Variants in NUDCD1 observed in about 807,000 individuals in gnomAD.
NUDCD1 encodes the protein NudC domain containing 1.
A neutral mutation model predicts 67.8 loss-of-function variants in NUDCD1; 60 were observed. The observed-to-expected ratio is 0.88, with a 90% CI of 0.72 to 1.10. The LOEUF (loss-of-function observed/expected upper bound fraction) is 1.10. NUDCD1 is among the 50% of genes least tolerant of loss of function. The pLI is 0.00. For synonymous variants in NUDCD1, 244 were observed against 230.8 expected (o/e 1.06, Z -0.52); for missense variants, 643 against 695.0 (o/e 0.93, Z 0.84).
rs1815559447 is a variant in NUDCD1, at chr8:109,322,310, A to T, written c.272T>A (p.Leu91Gln). The T allele has an allele frequency of 6.7e-7, 1 of 1,492,082 alleles. No homozygotes were observed. The highest frequency in any genetic ancestry group is 9.2e-7 in the Non-Finnish European group (1 of 1,081,750). The allele number at this position is 1,492,082 out of a possible 1,614,324, so 92.4% of individuals were successfully genotyped here. A position where few individuals can be genotyped will look rare whatever the true frequency, so the allele number is the denominator to read the frequency against. Reference sequence around the variant, plus strand: ...TTATTACATACATGTTTCTCTTACCAGCATTACTGTTAAATTCATAATTCT... The same window carrying T: ...TTATTACATACATGTTTCTCTTACCTGCATTACTGTTAAATTCATAATTCT... ...LGRIMNLTVM[L>Q]DTALGKPREV... Residue 91 changes from leucine (L) to glutamine (Q), a missense_variant and splice_region_variant, in exon 2 of 10, where the codon CTG becomes CAG. By Grantham distance (113) the Leu-to-Gln change is moderately radical (BLOSUM62 -2). Coordinates refer to ENST00000239690, the MANE Select transcript of NUDCD1 (RefSeq NM_032869.4).
chr8:109,293,391 C>G lies in NUDCD1; in HGVS notation c.593G>C (p.Gly198Ala). The G allele has an allele frequency of 1.9e-6, 3 of 1,587,700 alleles. No homozygotes were observed. Among genetic ancestry groups the G allele is most frequent in the Non-Finnish European group, 2.6e-6 (3 of 1,167,952 alleles). ...GACCCACTCCAGAGAAACATAGAAA[C>G]CACTTCCTTTCATATCCAATTCCTC... ...EKEELDMKGS[G>A]FYVSLEWVTI... Residue 198 changes from glycine (G) to alanine (A), a missense_variant, in exon 4 of 10, where the codon GGT becomes GCT. Gly to Ala is a moderately conservative substitution (Grantham distance 60). Transcript: ENST00000239690.
chr8:109,249,123 TAAA>T, intron 8 of NUDCD1, among the ~76,000 whole-genome samples: 1 of 152,330 alleles, frequency 6.6e-6, no homozygotes, highest in African/African-American at 2.4e-5. Context: ...ATTCCCCTTA[TAAA>T]TATGGTAACT....
chr8:109,275,231 G>A (rs959030292), intron 7 of NUDCD1, 121 bp downstream of exon 7: 2 of 803,634 alleles, frequency 2.5e-6, no homozygotes, highest in Non-Finnish European at 4.0e-6. Context: ...CAGATCAGTA[G>A]TATCTGATAT....
intron 8 of NUDCD1, among the ~76,000 whole-genome samples, chr8:109,269,457 G>A (rs1446915944): frequency 1.3e-5 from 2 of 152,118 alleles, no homozygotes; most frequent in Non-Finnish European, 2.9e-5. Flanking sequence ...GACTAGGAAG[G>A]GATAGCGAGT....
chr8:109,280,263 T>C (rs1453211318), intron 6 of NUDCD1, among the ~76,000 whole-genome samples: 7 of 152,206 alleles, frequency 4.6e-5, no homozygotes, highest in Non-Finnish European at 8.8e-5. Flanking sequence ...GATTTATCAT[T>C]GCAAGTGAAC....
At position 109,271,053 on chromosome 8, in the gene NUDCD1, GCT is replaced by G. The variant is rs1430502107; in HGVS notation, c.1249_1250del (p.Ser417LeufsTer7). On this transcript the variant is annotated frameshift_variant, in exon 8 of 10. Transcript: ENST00000239690. LOFTEE classifies it high-confidence loss of function. ...LEECDIFFEESSSLCRFDGNT... is the reference protein window; with the variant it reads ...LEECDIFFEEXSSLCRFDGNT... ...TGCCATCAAATCTGCATAAACTGGA[GCT>G]CTCTTCAAAGAAAATATCACATTCT... The G allele has an allele frequency of 6.3e-7, 1 of 1,595,000 alleles. No individual in the cohort carries two copies. The highest frequency in any genetic ancestry group is 8.6e-7 in the Non-Finnish European group (1 of 1,165,734).
rs1046920106 is a variant in NUDCD1 at position 109,242,036 on chromosome 8, G to C, written c.*973C>G. The C allele has an allele frequency of 2.5e-6, 1 of 397,798 alleles. No homozygotes were observed. Among genetic ancestry groups the C allele is most frequent in the Non-Finnish European group, 4.4e-6 (1 of 225,604 alleles). The allele number at this position is 397,798 out of a possible 1,614,324, so 24.6% of individuals were successfully genotyped here. On this transcript the variant is annotated 3_prime_UTR_variant, in exon 10 of 10. Transcript: ENST00000239690. ...TTGTTGAAGTTGTTAGAAAAATAAAGAGAGCCACAAGGATAAATTATAATT... is the reference window on the plus strand; with the variant it reads ...TTGTTGAAGTTGTTAGAAAAATAAACAGAGCCACAAGGATAAATTATAATT...
chr8:109,307,308 C>T (rs1815131086), intron 2 of NUDCD1, among the ~76,000 whole-genome samples: 1 of 152,200 alleles, frequency 6.6e-6, no homozygotes, highest in Admixed American at 6.5e-5. Context: ...ACTTTGTATG[C>T]CTATCCCAAA....
Position 109,317,543 on chromosome 8 carries a change from AGGATCC to A in NUDCD1, c.273+4760_273+4765del, listed in dbSNP as rs1815428605. ...ATATCAGGATATTATCCTATGAGAA[AGGATCC>A]ACAGGATCCATTGTTCTGTGGATTA... On this transcript the variant is annotated intron_variant, in intron 2 of 9. Coordinates refer to ENST00000239690, the MANE Select transcript of NUDCD1 (RefSeq NM_032869.4). Among the ~76,000 whole-genome samples, 7 of 152,320 alleles carry A rather than the reference AGGATCC, an allele frequency of 4.6e-5. 1 individual carries two copies. In the South Asian group the frequency reaches 1.5e-3, roughly 32 times the overall value.
At chr8:109,325,095 A>G (rs576759097) in intron 1 of NUDCD1, among the ~76,000 whole-genome samples, 2 of 152,260 alleles carry the variant, frequency 1.3e-5, no homozygotes, top group African/African-American at 4.8e-5. Flanking sequence ...CTCAAAAATA[A>G]ATAAATAAAA....
intron 8 of NUDCD1, among the ~76,000 whole-genome samples, chr8:109,270,066 G>A (rs1814102374): frequency 1.4e-5 from 1 of 69,012 alleles, no homozygotes; most frequent in Non-Finnish European, 3.0e-5. Flanking sequence ...GGTGGCGGGG[G>A]CGGGGGGGGG....
At chr8:109,268,692 A>T (rs1457064414) in intron 8 of NUDCD1, among the ~76,000 whole-genome samples, 1 of 152,146 alleles carries the variant, frequency 6.6e-6, no homozygotes, top group East Asian at 1.9e-4. Flanking sequence ...AGCACCTAAA[A>T]CTATAACGTT....
rs141574787 is a variant in NUDCD1, at chr8:109,304,484, T to C, written c.274-7915A>G. On this transcript the variant is annotated intron_variant, in intron 2 of 9. Coordinates refer to ENST00000239690, the MANE Select transcript of NUDCD1 (RefSeq NM_032869.4). ...ACGTCTATCCTTGAGGCTACTGCTC[T>C]GCCACCCTCCACTACCTCTCAGCAA... Among the ~76,000 whole-genome samples the C allele has an allele frequency of 9.8e-3, 1,497 of 152,314 alleles. 35 individuals carry two copies. Among genetic ancestry groups the C allele is most frequent in the African/African-American group, 0.034 (1,426 of 41,568 alleles).
chr8:109,301,902 G>A (rs1457777334), intron 2 of NUDCD1, among the ~76,000 whole-genome samples: 3 of 152,162 alleles, frequency 2.0e-5, no homozygotes, highest in Non-Finnish European at 2.9e-5. Flanking sequence ...TGATCACTGC[G>A]GGGATGCCTG....
rs574034235 is a variant in NUDCD1, at chr8:109,301,702, A to T, written c.274-5133T>A. Among the ~76,000 whole-genome samples, 11 of 152,126 alleles carry T rather than the reference A, an allele frequency of 7.2e-5. No individual in the cohort carries two copies. In the East Asian group the frequency reaches 2.1e-3, roughly 29 times the overall value. On this transcript the variant is annotated intron_variant, in intron 2 of 9. Coordinates refer to ENST00000239690, the MANE Select transcript of NUDCD1 (RefSeq NM_032869.4). ...TGCTACCCTTCAATCTCCCTCTCTT[A>T]CTACCCTTCAATCTCCCTGTCCTTC... is the stretch of plus-strand genomic sequence containing the variant.
At chr8:109,284,421 C>T (rs972820217) in intron 5 of NUDCD1, among the ~76,000 whole-genome samples, 1 of 151,974 alleles carries the variant, frequency 6.6e-6, no homozygotes, top group Middle Eastern at 3.2e-3. Context: ...TTAAATTTGA[C>T]ACTTAATCTA....
At chr8:109,297,352 G>A (rs1260937359) in intron 2 of NUDCD1, among the ~76,000 whole-genome samples, 1 of 152,170 alleles carries the variant, frequency 6.6e-6, no homozygotes, top group Non-Finnish European at 1.5e-5. Context: ...ATAATGTAAA[G>A]TTATGAGTTG....
intron 2 of NUDCD1, among the ~76,000 whole-genome samples, chr8:109,301,783 G>T (rs1814996940): frequency 6.6e-6 from 1 of 152,178 alleles, no homozygotes. Context: ...TTTTATCCAT[G>T]GACCCAAAAC....
intron 5 of NUDCD1, among the ~76,000 whole-genome samples, 173 bp downstream of exon 5, chr8:109,289,577 AC>A (rs1229799523): frequency 6.6e-6 from 1 of 152,184 alleles, no homozygotes; most frequent in Non-Finnish European, 1.5e-5. Flanking sequence ...CAGTTCATTC[AC>A]ACTATTAAGG....
Sources: gnomAD v4.1 joint callset for allele counts (sites outside exome capture counted in the v4.1 genomes callset) on GRCh38, gnomAD v4.1.1 for gene constraint, MANE v1.5 for transcripts, NCBI Gene and HGNC (gene_info 2026-07-23, HGNC 2026-07-21) for gene names.